Variants in GPC5 observed in about 807,000 individuals in gnomAD.
The protein encoded by GPC5 is glypican 5, also known as glypican-5.
A neutral mutation model predicts 53.9 loss-of-function variants in GPC5; 47 were observed. The observed-to-expected ratio is 0.87, with a 90% CI of 0.69 to 1.11. The LOEUF is 1.11. Ranked by LOEUF, GPC5 falls within the 50% of genes most tolerant of loss-of-function variation. GPC5 has a pLI of 0.00. For synonymous variants in GPC5, 286 were observed against 263.3 expected, an observed-to-expected ratio of 1.09 and a Z score of -0.84; for missense variants, 748 against 713.1, an observed-to-expected ratio of 1.05 and a Z score of -0.56.
intron 6 of GPC5, among the ~76,000 whole-genome samples, chr13:92,106,987 A>G (rs1276795128): frequency 6.6e-6 from 1 of 152,102 alleles, no homozygotes; most frequent in Non-Finnish European, 1.5e-5. Context: ...TTTACTTTCA[A>G]AGGGGTTTTT....
intron 6 of GPC5, among the ~76,000 whole-genome samples, chr13:92,069,910 C>T (rs868209989): frequency 6.6e-6 from 1 of 152,152 alleles, no homozygotes; most frequent in Non-Finnish European, 1.5e-5. Context: ...GATGGTCATG[C>T]TTTAATCCTT....
intron 7 of GPC5, among the ~76,000 whole-genome samples, chr13:92,777,416 C>T (rs765487735): frequency 2.6e-5 from 4 of 151,178 alleles, no homozygotes; most frequent in African/African-American, 4.9e-5. Flanking sequence ...AGGCAGATCA[C>T]GAGGTCAAGA....
chr13:92,678,851 T>C lies in GPC5; in HGVS notation c.1562-187431T>C, dbSNP rs550534453. ...AGGAAAAAGATAGGATGATTTGAGC[T>C]AGAGTTGTAGTGGAGAGAAGTGGTC... On this transcript the variant is annotated intron_variant, in intron 7 of 7. Coordinates refer to ENST00000377067, the MANE Select transcript of GPC5 (RefSeq NM_004466.6). 2.6e-5 allele frequency among the ~76,000 whole-genome samples: 4 copies of C among 152,294 alleles called. No homozygotes were observed. The South Asian group carries it at 8.3e-4, about 32-fold the overall frequency.
At position 92,641,434 on chromosome 13, in the gene GPC5, G is replaced by A. The variant is rs565617727; in HGVS notation, c.1562-224848G>A. Reference sequence around the variant, plus strand: ...AAAGAAAGGCAGAGAAACGCTGATAGAATAAAGAAGGTGAAAGAGATATAA... The same window carrying A: ...AAAGAAAGGCAGAGAAACGCTGATAAAATAAAGAAGGTGAAAGAGATATAA... On this transcript the variant is annotated intron_variant, in intron 7 of 7. Coordinates refer to ENST00000377067, the MANE Select transcript of GPC5 (RefSeq NM_004466.6). Among the ~76,000 whole-genome samples, 4 of 152,252 alleles carry A rather than the reference G, an allele frequency of 2.6e-5. No homozygotes were observed. The East Asian group carries it at 5.8e-4, about 22-fold the overall frequency.
intron 7 of GPC5, among the ~76,000 whole-genome samples, chr13:92,609,393 T>C (rs1884362328): frequency 6.6e-6 from 1 of 152,150 alleles, no homozygotes; most frequent in Admixed American, 6.5e-5. Flanking sequence ...GGAAAAATAA[T>C]ACCTGTCTAG....
intron 6 of GPC5, among the ~76,000 whole-genome samples, chr13:92,002,292 A>G (rs1316144238): frequency 6.6e-6 from 1 of 152,206 alleles, no homozygotes. Flanking sequence ...ATTAACTGTC[A>G]TTATCTCCAT....
At chr13:92,518,424 A>G in intron 7 of GPC5, among the ~76,000 whole-genome samples, 1 of 152,196 alleles carries the variant, frequency 6.6e-6, no homozygotes, top group Non-Finnish European at 1.5e-5. Context: ...CTAACAGCAG[A>G]TCTCTCGGCA....
chr13:91,535,256 A>C (rs562283579), intron 2 of GPC5, among the ~76,000 whole-genome samples: 1 of 152,282 alleles, frequency 6.6e-6, no homozygotes, highest in Admixed American at 6.5e-5. Context: ...CATTTCTGAC[A>C]TTCTTGATAG....
At chr13:92,142,186 TAAAG>T (rs1260024301) in intron 6 of GPC5, among the ~76,000 whole-genome samples, 1 of 152,174 alleles carries the variant, frequency 6.6e-6, no homozygotes, top group East Asian at 1.9e-4. Context: ...CCCTAGAACT[TAAAG>T]TATAATTTTT....
At chr13:92,469,427 T>G (rs1878826055) in intron 7 of GPC5, among the ~76,000 whole-genome samples, 1 of 152,150 alleles carries the variant, frequency 6.6e-6, no homozygotes, top group African/African-American at 2.4e-5. Flanking sequence ...ATTAACTAGT[T>G]CAAACATTTA....
chr13:92,682,634 CAAGT>C (rs1373632322), intron 7 of GPC5, among the ~76,000 whole-genome samples: 2 of 152,120 alleles, frequency 1.3e-5, no homozygotes, highest in Middle Eastern at 3.4e-3. Flanking sequence ...AACTAACAAA[CAAGT>C]GTTAGTTTTA....
At chr13:91,924,515 A>G (rs565894895) in intron 6 of GPC5, among the ~76,000 whole-genome samples, 1 of 152,216 alleles carries the variant, frequency 6.6e-6, no homozygotes, top group Admixed American at 6.5e-5. Context: ...GCTTGAGCCC[A>G]GGAGTTTGAG....
At chr13:92,527,251 GAAAGAAAGAA>G (rs1881389570) in intron 7 of GPC5, among the ~76,000 whole-genome samples, 1 of 57,534 alleles carries the variant, frequency 1.7e-5, no homozygotes, top group Non-Finnish European at 3.4e-5. Flanking sequence ...GAAAGAAAGA[GAAAGAAAGAA>G]AGAAAGAAAG....
At chr13:92,182,917 T>C (rs2042158261) in intron 7 of GPC5, among the ~76,000 whole-genome samples, 1 of 151,882 alleles carries the variant, frequency 6.6e-6, no homozygotes, top group Admixed American at 6.6e-5. Context: ...CTACCCTTGA[T>C]ACATCAAGGA....
chr13:92,235,736 G>A (rs1005017368), intron 7 of GPC5, among the ~76,000 whole-genome samples: 1 of 151,948 alleles, frequency 6.6e-6, no homozygotes, highest in African/African-American at 2.4e-5. Flanking sequence ...TACTACCAGG[G>A]ACCTTTTTCA....
intron 2 of GPC5, among the ~76,000 whole-genome samples, chr13:91,630,274 G>C (rs2034122704): frequency 6.6e-6 from 1 of 152,038 alleles, no homozygotes; most frequent in Non-Finnish European, 1.5e-5. Context: ...GCCTCTGAAG[G>C]ATATTTTTTT....
intron 7 of GPC5, among the ~76,000 whole-genome samples, chr13:92,212,311 G>C (rs1360390): frequency 6.6e-6 from 1 of 152,084 alleles, no homozygotes; most frequent in Admixed American, 6.5e-5. Flanking sequence ...TGATAGGATC[G>C]TGATTTGGAC....
At chr13:92,266,181 T>C (rs1184007161) in intron 7 of GPC5, among the ~76,000 whole-genome samples, 20 of 152,172 alleles carry the variant, frequency 1.3e-4, no homozygotes, top group Admixed American at 1.1e-3. Flanking sequence ...ACTGGGTTCT[T>C]CTCACCCCTA....
chr13:91,841,409 T>C (rs1046116863), intron 5 of GPC5, among the ~76,000 whole-genome samples: 11 of 149,780 alleles, frequency 7.3e-5, no homozygotes, highest in African/African-American at 2.7e-4. Context: ...GTCTTTTGGG[T>C]TCGAGGTAGA....
Sources: allele counts gnomAD v4.1 joint callset (sites outside exome capture counted in the v4.1 genomes callset), GRCh38; gene constraint gnomAD v4.1.1; transcripts MANE v1.5; gene names NCBI Gene and HGNC (gene_info 2026-07-23, HGNC 2026-07-21).